Variants in COL21A1 observed in about 807,000 individuals in gnomAD.
The protein encoded by COL21A1 is collagen type XXI alpha 1 chain.
COL21A1 carries 149 observed loss-of-function variants against 137.9 expected under a neutral mutation model. The observed-to-expected ratio is 1.08, with a 90% CI of 0.95 to 1.24. The LOEUF (loss-of-function observed/expected upper bound fraction) is 1.24, where lower values mean the gene tolerates loss of function less well. Ranked by LOEUF, COL21A1 falls within the 50% of genes most tolerant of loss-of-function variation. The pLI is 0.00. For synonymous variants in COL21A1, 456 were observed against 391.5 expected, an observed-to-expected ratio of 1.16 and a Z score of -1.95; for missense variants, 1,167 against 1,158.4, an observed-to-expected ratio of 1.01 and a Z score of -0.11.
chr6:56,246,420 G>C (rs748013972), intron 1 of COL21A1, among the ~76,000 whole-genome samples: 2 of 151,654 alleles, frequency 1.3e-5, no homozygotes, highest in Admixed American at 1.3e-4. Flanking sequence ...AAAATTATTC[G>C]ATGATGCTTA....
intron 1 of COL21A1, among the ~76,000 whole-genome samples, chr6:56,284,452 T>A (rs1212057095): frequency 6.6e-6 from 1 of 152,188 alleles, no homozygotes; most frequent in African/African-American, 2.4e-5. Flanking sequence ...GTTGTTTTTT[T>A]CTGTCATCAA....
intron 17 of COL21A1, among the ~76,000 whole-genome samples, chr6:56,096,191 A>T (rs1480): frequency 1.3e-5 from 2 of 151,524 alleles, no homozygotes; most frequent in South Asian, 4.2e-4. Context: ...GACAATGCCT[A>T]CAGCCTCATG....
intron 10 of COL21A1, among the ~76,000 whole-genome samples, chr6:56,155,649 C>T (rs1231158244): frequency 6.6e-6 from 1 of 152,198 alleles, no homozygotes; most frequent in Non-Finnish European, 1.5e-5. Flanking sequence ...TGCTGTCACC[C>T]AGGCTGGCAT....
intron 29 of COL21A1, 62 bp downstream of exon 29, chr6:56,059,103 T>C: frequency 8.1e-7 from 1 of 1,241,334 alleles, no homozygotes; most frequent in South Asian, 1.2e-5. Flanking sequence ...CACATAGATC[T>C]ATGATGACTT....
At chr6:56,244,797 G>A (rs1782550400) in intron 1 of COL21A1, among the ~76,000 whole-genome samples, 1 of 152,116 alleles carries the variant, frequency 6.6e-6, no homozygotes, top group South Asian at 2.1e-4. Flanking sequence ...AAAGAGAATG[G>A]AAATTAATTT....
At chr6:56,098,336 C>A (rs796912136) in intron 17 of COL21A1, among the ~76,000 whole-genome samples, 7 of 26,768 alleles carry the variant, frequency 2.6e-4, no homozygotes, top group African/African-American at 3.5e-4. Flanking sequence ...TATATAAACA[C>A]ATATGTAAAT....
At chr6:56,096,764 TC>T (rs1769357620) in intron 17 of COL21A1, among the ~76,000 whole-genome samples, 1 of 152,154 alleles carries the variant, frequency 6.6e-6, no homozygotes, top group African/African-American at 2.4e-5. Flanking sequence ...CTTCTGTCCT[TC>T]CATGTGAAAC....
At chr6:56,175,855 G>A (rs896302414) in intron 3 of COL21A1, among the ~76,000 whole-genome samples, 1 of 152,142 alleles carries the variant, frequency 6.6e-6, no homozygotes, top group Middle Eastern at 3.4e-3. Context: ...TAAGCTGGAG[G>A]CCTCACACTT....
chr6:56,296,206 T>A (rs1225863876), intron 1 of COL21A1, among the ~76,000 whole-genome samples: 1 of 151,976 alleles, frequency 6.6e-6, no homozygotes, highest in Non-Finnish European at 1.5e-5. Context: ...TGGTAGGTAC[T>A]CTTTTCTTGT....
intron 1 of COL21A1, among the ~76,000 whole-genome samples, chr6:56,316,131 T>G (rs1300293385): frequency 1.3e-5 from 2 of 152,194 alleles, no homozygotes; most frequent in Non-Finnish European, 2.9e-5. Flanking sequence ...GTATACAATA[T>G]GTTTTGATAT....
intron 1 of COL21A1, among the ~76,000 whole-genome samples, chr6:56,196,902 A>G (rs934178758): frequency 1.3e-5 from 2 of 152,106 alleles, no homozygotes; most frequent in Non-Finnish European, 2.9e-5. Flanking sequence ...GTATGGAACC[A>G]CAAAAAAACC....
intron 1 of COL21A1, among the ~76,000 whole-genome samples, chr6:56,271,798 C>T (rs374918634): frequency 6.6e-6 from 1 of 152,214 alleles, no homozygotes. Context: ...CCAGCCATGC[C>T]TCAAAGGAGC....
intron 1 of COL21A1, among the ~76,000 whole-genome samples, chr6:56,353,120 T>G (rs1440728089): frequency 2.6e-5 from 4 of 152,140 alleles, no homozygotes; most frequent in Non-Finnish European, 4.4e-5. Context: ...TATTTGGAAT[T>G]TATCCCATCA....
intron 1 of COL21A1, among the ~76,000 whole-genome samples, chr6:56,326,595 A>G (rs1765097005): frequency 6.6e-6 from 1 of 151,988 alleles, no homozygotes; most frequent in Non-Finnish European, 1.5e-5. Flanking sequence ...TAGCATGACA[A>G]ATCAAAATAA....
rs191024863 is a variant in COL21A1, at chr6:56,255,214, G to A, written c.-38-72558C>T. Reference sequence around the variant, plus strand: ...TACAACCTGCATTTTCTTATTTCTCGTGTTCTATAAACCATAGGTAATGGA... The same window carrying A: ...TACAACCTGCATTTTCTTATTTCTCATGTTCTATAAACCATAGGTAATGGA... On this transcript the variant is annotated intron_variant, in intron 1 of 28. Coordinates refer to the COL21A1 transcript ENST00000370819. Among the ~76,000 whole-genome samples the A allele has an allele frequency of 1.2e-4, 19 of 152,022 alleles. 1 individual carries two copies. The highest frequency in any genetic ancestry group is 4.2e-4 in the South Asian group (2 of 4,814).
At chr6:56,158,277 T>C (rs1775934977) in intron 9 of COL21A1, among the ~76,000 whole-genome samples, 1 of 136,734 alleles carries the variant, frequency 7.3e-6, no homozygotes, top group African/African-American at 2.8e-5. Flanking sequence ...TTTTTTTTTT[T>C]TTTTTTTTTT....
At chr6:56,216,278 C>T (rs1157520387) in intron 1 of COL21A1, among the ~76,000 whole-genome samples, 1 of 152,064 alleles carries the variant, frequency 6.6e-6, no homozygotes, top group Non-Finnish European at 1.5e-5. Flanking sequence ...AACTCAGATA[C>T]ATCCAACCCT....
intron 1 of COL21A1, among the ~76,000 whole-genome samples, chr6:56,310,870 A>T (rs780925513): frequency 5.3e-5 from 8 of 152,006 alleles, no homozygotes; most frequent in Non-Finnish European, 1.0e-4. Flanking sequence ...TAATAGATAC[A>T]TTGATAGATT....
intron 1 of COL21A1, among the ~76,000 whole-genome samples, chr6:56,385,102 G>A (rs1391134212): frequency 6.6e-6 from 1 of 152,232 alleles, no homozygotes; most frequent in African/African-American, 2.4e-5. Context: ...ACCGCCAACA[G>A]GAGTGACGTG....
Sources: gnomAD v4.1 joint callset for allele counts (sites outside exome capture counted in the v4.1 genomes callset) on GRCh38, gnomAD v4.1.1 for gene constraint, MANE v1.5 for transcripts, NCBI Gene and HGNC (gene_info 2026-07-23, HGNC 2026-07-21) for gene names.